The following PLPPR1 variants were observed in gnomAD, a reference collection of about 807,000 sequenced individuals.
PLPPR1 encodes phospholipid phosphatase related 1.
Under a neutral mutation model 33.1 loss-of-function variants are expected in PLPPR1, and 10 were observed. That is an observed-to-expected ratio of 0.30 (90% CI 0.19 to 0.51). The LOEUF (loss-of-function observed/expected upper bound fraction) is 0.51, where lower values mean the gene tolerates loss of function less well. PLPPR1 is among the 20% of genes least tolerant of loss of function. PLPPR1 has a pLI of 0.97. For synonymous variants in PLPPR1, 151 were observed against 151.0 expected (o/e 1.00, Z 0.00); for missense variants, 304 against 408.1 (o/e 0.74, Z 2.20).
chr9:101,292,116 G>A (rs1311222339), intron 4 of PLPPR1, among the ~76,000 whole-genome samples: 1 of 152,170 alleles, frequency 6.6e-6, no homozygotes, highest in Non-Finnish European at 1.5e-5. Flanking sequence ...GGAGCTGCAA[G>A]CCAAGGCTCG....
intron 1 of PLPPR1, among the ~76,000 whole-genome samples, chr9:101,153,295 G>A (rs1210132812): frequency 6.6e-6 from 1 of 152,142 alleles, no homozygotes; most frequent in Non-Finnish European, 1.5e-5. Context: ...GATTTTGGGT[G>A]GAGAGGATGG....
intron 2 of PLPPR1, among the ~76,000 whole-genome samples, chr9:101,264,581 A>T (rs1384924223): frequency 6.6e-6 from 1 of 152,218 alleles, no homozygotes; most frequent in African/African-American, 2.4e-5. Context: ...TACAAATTAC[A>T]TGGGGTTGGA....
At chr9:101,221,707 G>A (rs1826944725) in intron 2 of PLPPR1, among the ~76,000 whole-genome samples, 1 of 152,160 alleles carries the variant, frequency 6.6e-6, no homozygotes, top group African/African-American at 2.4e-5. Flanking sequence ...CCACCTGCAG[G>A]AAGCAGTACA....
At chr9:101,251,719 T>A (rs1465455007) in intron 2 of PLPPR1, among the ~76,000 whole-genome samples, 1 of 151,894 alleles carries the variant, frequency 6.6e-6, no homozygotes, top group Non-Finnish European at 1.5e-5. Context: ...CTCATGTTCA[T>A]CAAGACTTTT....
intron 1 of PLPPR1, among the ~76,000 whole-genome samples, chr9:101,181,854 G>GTA (rs150075845): frequency 0.13 from 19,107 of 144,214 alleles, 1,435 homozygotes; most frequent in East Asian, 0.27. Flanking sequence ...GTGCATGTGT[G>GTA]TATATATATA....
At chr9:101,038,015 T>A (rs946930444) in intron 1 of PLPPR1, among the ~76,000 whole-genome samples, 7 of 152,130 alleles carry the variant, frequency 4.6e-5, no homozygotes, top group African/African-American at 1.7e-4. Context: ...AGGTGCTTAG[T>A]GTAGAAAGTA....
chr9:101,217,537 A>T (rs1826826404), intron 2 of PLPPR1, among the ~76,000 whole-genome samples: 2 of 152,306 alleles, frequency 1.3e-5, no homozygotes, highest in South Asian at 4.1e-4. Context: ...GGACCCTGTA[A>T]ATTATATAGT....
At chr9:101,238,267 C>CTA (rs1294360091) in intron 2 of PLPPR1, among the ~76,000 whole-genome samples, 3 of 133,612 alleles carry the variant, frequency 2.2e-5, no homozygotes, top group Non-Finnish European at 3.2e-5. Context: ...TATATACACC[C>CTA]TATATATACA....
At chr9:101,032,042 C>A (rs892650808) in intron 1 of PLPPR1, among the ~76,000 whole-genome samples, 1 of 152,048 alleles carries the variant, frequency 6.6e-6, no homozygotes, top group Non-Finnish European at 1.5e-5. Flanking sequence ...TGAACAAGGA[C>A]AAGGAGGAAA....
At position 101,195,116 on chromosome 9, in the gene PLPPR1, CT is replaced by C. The variant is rs1400511258; in HGVS notation, c.63+9563del. The stretch of plus-strand genomic sequence containing the variant: ...CTGTTGGTATCTGCATCTCAACAAG[CT>C]TTTACGGTCACTCTGGTAAAGGGAA... On this transcript the variant is annotated intron_variant, in intron 2 of 7. Coordinates refer to ENST00000374874, the MANE Select transcript of PLPPR1 (RefSeq NM_207299.2). Among the ~76,000 whole-genome samples the C allele has an allele frequency of 5.9e-5, 9 of 152,234 alleles. No homozygotes were observed. In the South Asian group the frequency reaches 1.7e-3, roughly 28 times the overall value.
At chr9:101,098,238 A>G (rs1301706702) in intron 1 of PLPPR1, among the ~76,000 whole-genome samples, 1 of 152,162 alleles carries the variant, frequency 6.6e-6, no homozygotes, top group Non-Finnish European at 1.5e-5. Flanking sequence ...AGGCAGAATA[A>G]GAAGACATTT....
At chr9:101,086,867 G>T (rs1830683138) in intron 1 of PLPPR1, among the ~76,000 whole-genome samples, 1 of 152,094 alleles carries the variant, frequency 6.6e-6, no homozygotes, top group South Asian at 2.1e-4. Context: ...ATGAGAAGCA[G>T]GTCAGCCCCA....
chr9:101,222,126 G>C (rs1826955615), intron 2 of PLPPR1, among the ~76,000 whole-genome samples: 1 of 152,130 alleles, frequency 6.6e-6, no homozygotes, highest in South Asian at 2.1e-4. Flanking sequence ...GCAGCAGCTG[G>C]GGCAGCCCTG....
At chr9:101,078,107 GAAGAAGAAGAAGA>G (rs1830563945) in intron 1 of PLPPR1, among the ~76,000 whole-genome samples, 1 of 1,986 alleles carries the variant, frequency 5.0e-4, no homozygotes. Context: ...AGAAGGAGAA[GAAGAAGAAGAAGA>G]AGAAGAAGAA....
intron 2 of PLPPR1, among the ~76,000 whole-genome samples, chr9:101,195,387 C>T (rs2118735943): frequency 6.6e-6 from 1 of 152,044 alleles, no homozygotes; most frequent in South Asian, 2.1e-4. Flanking sequence ...CCCAAATCAT[C>T]CAGATAATAA....
chr9:101,249,985 A>C (rs574004716), intron 2 of PLPPR1, among the ~76,000 whole-genome samples: 2 of 152,124 alleles, frequency 1.3e-5, no homozygotes, highest in East Asian at 3.9e-4. Flanking sequence ...TTCAACCGAT[A>C]TTTTTTGCAA....
intron 1 of PLPPR1, among the ~76,000 whole-genome samples, chr9:101,167,271 C>T (rs1825876438): frequency 6.8e-6 from 1 of 146,164 alleles, no homozygotes; most frequent in South Asian, 2.3e-4. Context: ...AAACAAACAG[C>T]TTGGCTCCTG....
intron 1 of PLPPR1, among the ~76,000 whole-genome samples, chr9:101,040,690 T>C (rs1237806448): frequency 6.6e-6 from 1 of 152,202 alleles, no homozygotes; most frequent in African/African-American, 2.4e-5. Context: ...CTCAGCCCAT[T>C]AATCTTTAAC....
intron 4 of PLPPR1, among the ~76,000 whole-genome samples, chr9:101,302,056 C>G (rs190676514): frequency 6.6e-6 from 1 of 152,228 alleles, no homozygotes; most frequent in East Asian, 1.9e-4. Context: ...CCTCTGGAGC[C>G]TTACTATTCT....
Sources: gnomAD v4.1 joint callset for allele counts (sites outside exome capture counted in the v4.1 genomes callset) on GRCh38, gnomAD v4.1.1 for gene constraint, MANE v1.5 for transcripts, NCBI Gene and HGNC (gene_info 2026-07-23, HGNC 2026-07-21) for gene names.